Variants in TRAPPC9 observed in about 807,000 individuals in gnomAD.
The protein encoded by TRAPPC9 is IKK2 binding protein.
A neutral mutation model predicts 124.0 loss-of-function variants in TRAPPC9; 83 were observed. The observed-to-expected ratio is 0.67, with a 90% CI of 0.56 to 0.80. The LOEUF (loss-of-function observed/expected upper bound fraction) is 0.80, where lower values mean the gene tolerates loss of function less well. Ranked by LOEUF, TRAPPC9 falls within the 30% of genes least tolerant of loss-of-function variation. TRAPPC9 has a pLI of 0.00. For missense variants in TRAPPC9, 1,302 were observed against 1,508.3 expected (o/e 0.86, Z 2.27); for synonymous variants, 638 against 617.5 (o/e 1.03, Z -0.49).
intron 11 of TRAPPC9, among the ~76,000 whole-genome samples, chr8:140,297,923 C>T (rs1235755263): frequency 1.3e-5 from 2 of 152,208 alleles, no homozygotes; most frequent in Non-Finnish European, 2.9e-5. Flanking sequence ...CTACTGTGCA[C>T]GTGAGAGGAA....
At chr8:140,275,020 T>C (rs939656065) in intron 15 of TRAPPC9, among the ~76,000 whole-genome samples, 1 of 152,210 alleles carries the variant, frequency 6.6e-6, no homozygotes, top group Admixed American at 6.5e-5. Context: ...TCTTGATACT[T>C]TTCCCTCCTC....
intron 5 of TRAPPC9, among the ~76,000 whole-genome samples, chr8:140,417,562 C>T (rs1252918821): frequency 6.6e-6 from 1 of 152,204 alleles, no homozygotes; most frequent in Non-Finnish European, 1.5e-5. Flanking sequence ...CAGGAAACAA[C>T]AGATGCTGGA....
chr8:140,219,181 A>G (rs1241197978), intron 17 of TRAPPC9, among the ~76,000 whole-genome samples: 1 of 152,148 alleles, frequency 6.6e-6, no homozygotes, highest in Non-Finnish European at 1.5e-5. Context: ...ACAATAAATC[A>G]GGGAAGAAAG....
At chr8:139,867,862 A>G (rs1175893978) in intron 21 of TRAPPC9, among the ~76,000 whole-genome samples, 1 of 152,248 alleles carries the variant, frequency 6.6e-6, no homozygotes, top group African/African-American at 2.4e-5. Flanking sequence ...ATTCTGCATG[A>G]GACCCAAATC....
In TRAPPC9 at chr8:140,355,518, A is replaced by C. The variant is rs79088021; in HGVS notation, c.1495+4532T>G. ...CCTACCATGACTAATTCAAACTCAG[A>C]TTTTAAACATATATTCTCCTCCAGT... is the stretch of plus-strand genomic sequence containing the variant. On this transcript the variant is annotated intron_variant, in intron 9 of 22. Coordinates refer to ENST00000438773, the MANE Select transcript of TRAPPC9 (RefSeq NM_001160372.4). Among the ~76,000 whole-genome samples, 571 of 152,328 alleles carry C rather than the reference A, an allele frequency of 3.7e-3. 2 individuals are homozygous for C. The highest frequency in any genetic ancestry group is 0.013 in the African/African-American group (550 of 41,568).
intron 21 of TRAPPC9, among the ~76,000 whole-genome samples, chr8:139,784,637 A>G (rs946600408): frequency 2.9e-4 from 41 of 142,746 alleles, no homozygotes; most frequent in Non-Finnish European, 4.9e-4. Flanking sequence ...ATATATATAT[A>G]TATATATAAA....
intron 21 of TRAPPC9, among the ~76,000 whole-genome samples, chr8:139,840,051 A>G (rs1826626285): frequency 6.6e-6 from 1 of 152,254 alleles, no homozygotes; most frequent in Non-Finnish European, 1.5e-5. Context: ...ATGTTCGGCC[A>G]GTCTGGGCAC....
chr8:140,336,846 C>T (rs912985449), intron 9 of TRAPPC9, among the ~76,000 whole-genome samples: 4 of 152,140 alleles, frequency 2.6e-5, no homozygotes, highest in Non-Finnish European at 4.4e-5. Flanking sequence ...AGGAAGAAGA[C>T]GAATTCCACA....
At chr8:139,790,852 G>T (rs1822610105) in intron 21 of TRAPPC9, among the ~76,000 whole-genome samples, 1 of 152,150 alleles carries the variant, frequency 6.6e-6, no homozygotes, top group Non-Finnish European at 1.5e-5. Flanking sequence ...TAAATGGTTA[G>T]CACCAGTGCC....
chr8:139,736,635 G>A (rs1048309498), intron 21 of TRAPPC9, among the ~76,000 whole-genome samples: 2 of 151,856 alleles, frequency 1.3e-5, no homozygotes, highest in African/African-American at 4.9e-5. Flanking sequence ...GGACCCCCAG[G>A]GTACAGCTGA....
intron 16 of TRAPPC9, among the ~76,000 whole-genome samples, chr8:140,248,718 C>G (rs1338705997): frequency 6.6e-6 from 1 of 152,058 alleles, no homozygotes; most frequent in Admixed American, 6.6e-5. Context: ...TCAGAGATTT[C>G]AAGTATTATA....
At chr8:140,397,848 C>T (rs1189647353) in intron 6 of TRAPPC9, 103 bp from the exon 7 acceptor site, 11 of 1,472,916 alleles carry the variant, frequency 7.5e-6, no homozygotes, top group South Asian at 1.1e-5. Flanking sequence ...AACAGCACTT[C>T]CCCCATCACA....
intron 17 of TRAPPC9, among the ~76,000 whole-genome samples, chr8:140,197,774 G>A (rs1308275438): frequency 1.3e-5 from 2 of 152,014 alleles, no homozygotes; most frequent in African/African-American, 2.4e-5. Flanking sequence ...AAAACAACGC[G>A]AGATTTGTCA....
At chr8:140,199,354 T>C (rs890471121) in intron 17 of TRAPPC9, among the ~76,000 whole-genome samples, 4 of 152,088 alleles carry the variant, frequency 2.6e-5, no homozygotes. Flanking sequence ...AAGACACAAA[T>C]CCAGGTCTAG....
chr8:140,086,370 C>T (rs1279516711), intron 17 of TRAPPC9, among the ~76,000 whole-genome samples: 1 of 152,096 alleles, frequency 6.6e-6, no homozygotes, highest in Non-Finnish European at 1.5e-5. Flanking sequence ...GCAGGTGAGG[C>T]AGTCGGTTGA....
At chr8:140,290,808 C>A (rs1302251477) in intron 12 of TRAPPC9, among the ~76,000 whole-genome samples, 185 bp downstream of exon 12, 1 of 152,106 alleles carries the variant, frequency 6.6e-6, no homozygotes, top group African/African-American at 2.4e-5. Context: ...TATTGAAAAC[C>A]AAGCCTAAAG....
chr8:140,258,366 C>A (rs992238413), intron 15 of TRAPPC9, among the ~76,000 whole-genome samples: 5 of 152,250 alleles, frequency 3.3e-5, no homozygotes, highest in African/African-American at 1.2e-4. Context: ...CGGCTGTTGC[C>A]ATCTTCTTCC....
chr8:140,435,048 C>T, intron 4 of TRAPPC9, 64 bp downstream of exon 4: 1 of 1,611,512 alleles, frequency 6.2e-7, no homozygotes, highest in Non-Finnish European at 8.5e-7. Flanking sequence ...GAAAAAGTAA[C>T]AAATGAGTCT....
At chr8:139,809,873 C>T (rs184630111) in intron 21 of TRAPPC9, among the ~76,000 whole-genome samples, 1 of 152,152 alleles carries the variant, frequency 6.6e-6, no homozygotes, top group East Asian at 1.9e-4. Flanking sequence ...CATTCCTGAG[C>T]GGCAGGATAC....
Sources: allele counts gnomAD v4.1 joint callset (sites outside exome capture counted in the v4.1 genomes callset), GRCh38; gene constraint gnomAD v4.1.1; transcripts MANE v1.5; gene names NCBI Gene and HGNC (gene_info 2026-07-23, HGNC 2026-07-21).